The following OXR1 variants were observed in gnomAD, a reference collection of about 807,000 sequenced individuals.
OXR1 encodes oxidation resistance 1.
In OXR1, 41 loss-of-function variants were observed where a neutral mutation model predicts 104.6. The ratio of observed to expected loss-of-function variants is 0.39; its 90% confidence interval spans 0.31 to 0.51. OXR1 has a LOEUF of 0.51. OXR1 is among the 20% of genes least tolerant of loss of function. OXR1 has a pLI of 0.77. For missense variants in OXR1, 955 were observed against 1,031.9 expected (o/e 0.93, Z 1.02); for synonymous variants, 348 against 348.4 (o/e 1.00, Z 0.01).
intron 3 of OXR1, among the ~76,000 whole-genome samples, chr8:106,642,606 T>C (rs1563663597): frequency 1.3e-5 from 2 of 152,180 alleles, no homozygotes; most frequent in Non-Finnish European, 2.9e-5. Context: ...TTCCATTGGC[T>C]AAAAAATAAT....
At chr8:106,734,950 T>C (rs185496459) in intron 11 of OXR1, among the ~76,000 whole-genome samples, 139 of 152,318 alleles carry the variant, frequency 9.1e-4, no homozygotes, top group African/African-American at 3.1e-3. Flanking sequence ...TTTTCTCAAC[T>C]GTTTACTCCT....
chr8:106,619,138 C>T (rs993389391), intron 3 of OXR1, among the ~76,000 whole-genome samples: 4 of 152,010 alleles, frequency 2.6e-5, no homozygotes, highest in African/African-American at 9.7e-5. Flanking sequence ...TTAGTTTTTC[C>T]TCAATCACAA....
intron 2 of OXR1, among the ~76,000 whole-genome samples, chr8:106,513,592 GCCT>G (rs1812679019): frequency 6.6e-6 from 1 of 152,160 alleles, no homozygotes; most frequent in African/African-American, 2.4e-5. Context: ...AATGAGTCAA[GCCT>G]CCTTCAAAAT....
At chr8:106,524,548 A>G (rs1245439035) in intron 3 of OXR1, among the ~76,000 whole-genome samples, 1 of 152,204 alleles carries the variant, frequency 6.6e-6, no homozygotes, top group Non-Finnish European at 1.5e-5. Context: ...GATCAGAATC[A>G]CTCAGTGACA....
intron 3 of OXR1, among the ~76,000 whole-genome samples, chr8:106,543,623 A>T (rs1212830848): frequency 6.6e-6 from 1 of 152,178 alleles, no homozygotes; most frequent in Non-Finnish European, 1.5e-5. Context: ...TTGACCAAGA[A>T]ATAACTTCTT....
chr8:106,454,419 C>A (rs1258918783), intron 2 of OXR1, among the ~76,000 whole-genome samples: 2 of 150,628 alleles, frequency 1.3e-5, no homozygotes, highest in East Asian at 2.0e-4. Flanking sequence ...CAAGATGGCG[C>A]CACTGCACTC....
intron 11 of OXR1, among the ~76,000 whole-genome samples, chr8:106,735,787 C>T (rs1453985105): frequency 6.6e-6 from 1 of 151,860 alleles, no homozygotes; most frequent in Non-Finnish European, 1.5e-5. Context: ...TATTGAAATC[C>T]TATTGTTCTT....
intron 3 of OXR1, among the ~76,000 whole-genome samples, chr8:106,527,166 T>C (rs1041977965): frequency 6.6e-6 from 1 of 152,206 alleles, no homozygotes; most frequent in Non-Finnish European, 1.5e-5. Flanking sequence ...AGGGCTGTGG[T>C]GAGGTGTAAG....
At chr8:106,657,196 GATCATAGA>G (rs1411325455) in intron 3 of OXR1, among the ~76,000 whole-genome samples, 1 of 152,006 alleles carries the variant, frequency 6.6e-6, no homozygotes, top group Non-Finnish European at 1.5e-5. Context: ...ACAGGACTGG[GATCATAGA>G]ATGTCCAACA....
chr8:106,631,390 T>C (rs1162751513), intron 3 of OXR1, among the ~76,000 whole-genome samples: 1 of 152,240 alleles, frequency 6.6e-6, no homozygotes, highest in Non-Finnish European at 1.5e-5. Context: ...TGTTAACCTG[T>C]TGTTTTACAT....
intron 2 of OXR1, among the ~76,000 whole-genome samples, chr8:106,416,252 G>A (rs543551026): frequency 1.6e-4 from 25 of 152,156 alleles, no homozygotes; most frequent in African/African-American, 6.0e-4. Context: ...TCAGATCACG[G>A]CTAATTGTGT....
chr8:106,454,354 G>T (rs548048350), intron 2 of OXR1, among the ~76,000 whole-genome samples: 1 of 151,590 alleles, frequency 6.6e-6, no homozygotes, highest in African/African-American at 2.4e-5. Context: ...CCAGCTACTC[G>T]GGAGGCTGAG....
chr8:106,425,345 T>C (rs1000875551), intron 2 of OXR1, among the ~76,000 whole-genome samples: 20 of 152,134 alleles, frequency 1.3e-4, no homozygotes, highest in African/African-American at 4.8e-4. Context: ...ATTATAAGCA[T>C]GGGCCAATGT....
chr8:106,364,921 G>T (rs1816402322), intron 2 of OXR1, among the ~76,000 whole-genome samples: 1 of 152,134 alleles, frequency 6.6e-6, no homozygotes, highest in Non-Finnish European at 1.5e-5. Context: ...CTGCTAAATT[G>T]CAGGCTCTCA....
chr8:106,475,857 A>C (rs143707363), intron 2 of OXR1, among the ~76,000 whole-genome samples: 1 of 151,882 alleles, frequency 6.6e-6, no homozygotes, highest in East Asian at 1.9e-4. Context: ...TTTCTTCAAG[A>C]TTCATCCCAT....
chr8:106,275,729 CAT>C (rs1320574501), intron 1 of OXR1, among the ~76,000 whole-genome samples: 2 of 152,110 alleles, frequency 1.3e-5, no homozygotes, highest in African/African-American at 2.4e-5. Context: ...GAAGGAGGGT[CAT>C]GTGAGAATTT....
At chr8:106,466,704 T>C (rs1821189490) in intron 2 of OXR1, among the ~76,000 whole-genome samples, 1 of 152,040 alleles carries the variant, frequency 6.6e-6, no homozygotes, top group African/African-American at 2.4e-5. Context: ...GTTTGCATCA[T>C]GTAATTTAGT....
At chr8:106,697,450 AG>A in intron 7 of OXR1, 1 of 1,561,710 alleles carries the variant, frequency 6.4e-7, no homozygotes, top group South Asian at 1.1e-5. Flanking sequence ...GGCATCCAGT[AG>A]CCAGTCATGC....
intron 1 of OXR1, among the ~76,000 whole-genome samples, chr8:106,284,045 T>A (rs1295661316): frequency 6.6e-6 from 1 of 151,980 alleles, no homozygotes; most frequent in African/African-American, 2.4e-5. Context: ...ATGCTGAGGA[T>A]CCAAGTATGT....
Sources: gnomAD v4.1 joint callset for allele counts (sites outside exome capture counted in the v4.1 genomes callset) on GRCh38, gnomAD v4.1.1 for gene constraint, MANE v1.5 for transcripts, NCBI Gene and HGNC (gene_info 2026-07-23, HGNC 2026-07-21) for gene names.